Variants in ATAD1 observed in about 807,000 individuals in gnomAD.
ATAD1 encodes outer mitochondrial transmembrane helix translocase.
In ATAD1, 18 loss-of-function variants were observed where a neutral mutation model predicts 42.7. The ratio of observed to expected loss-of-function variants is 0.42; its 90% CI spans 0.29 to 0.63. The LOEUF is 0.63. Ranked by LOEUF, ATAD1 falls within the 20% of genes least tolerant of loss-of-function variation. The pLI is 0.19. For synonymous variants in ATAD1, 132 were observed against 143.1 expected (o/e 0.92, Z 0.55); for missense variants, 294 against 440.4 (o/e 0.67, Z 2.98).
chr10:87,832,648 A>T (rs1174531615), intron 1 of ATAD1, among the ~76,000 whole-genome samples: 1 of 152,058 alleles, frequency 6.6e-6, no homozygotes, highest in Non-Finnish European at 1.5e-5. Flanking sequence ...ATATTTAAAA[A>T]TTTTAAATCA....
intron 1 of ATAD1, among the ~76,000 whole-genome samples, chr10:87,838,111 T>A (rs73354909): frequency 0.017 from 2,650 of 152,312 alleles, 93 homozygotes; most frequent in African/African-American, 0.061. Context: ...ACTCACTGCT[T>A]GTTCAGTAGT....
intron 8 of ATAD1, among the ~76,000 whole-genome samples, chr10:87,764,222 G>A (rs1854629107): frequency 1.3e-5 from 2 of 151,980 alleles, no homozygotes; most frequent in Admixed American, 6.6e-5. Context: ...TGCTATGGGA[G>A]ACCGATGCAC....
intron 1 of ATAD1, among the ~76,000 whole-genome samples, chr10:87,823,771 C>T (rs1857674451): frequency 6.6e-6 from 1 of 152,140 alleles, no homozygotes. Context: ...AAGTAGGTCA[C>T]TTGCCTTCTC....
intron 1 of ATAD1, 71 bp downstream of exon 1, chr10:87,818,096 G>C (rs913448293): frequency 5.1e-6 from 5 of 985,532 alleles, no homozygotes; most frequent in Non-Finnish European, 4.8e-6. Flanking sequence ...CCAGGTCCGA[G>C]ACGGTCCTTA....
At chr10:87,766,873 T>C (rs933140097) in intron 8 of ATAD1, among the ~76,000 whole-genome samples, 1 of 151,916 alleles carries the variant, frequency 6.6e-6, no homozygotes, top group Non-Finnish European at 1.5e-5. Flanking sequence ...TTTCTCCGTG[T>C]ATTATTAAAT....
chr10:87,763,167 A>G (rs1854577164), intron 8 of ATAD1, among the ~76,000 whole-genome samples: 1 of 151,148 alleles, frequency 6.6e-6, no homozygotes, highest in African/African-American at 2.4e-5. Context: ...AAAAACATGG[A>G]GAATTTTAGG....
chr10:87,805,435 C>T lies in ATAD1; in HGVS notation c.162+9003G>A, dbSNP rs2132022114. Among the ~76,000 whole-genome samples the T allele has an allele frequency of 2.0e-5, 3 of 152,298 alleles. No individual in the cohort carries two copies. In the South Asian group the frequency reaches 6.2e-4, roughly 32 times the overall value. On this transcript the variant is annotated intron_variant, in intron 2 of 9. Coordinates refer to ENST00000680024, the MANE Select transcript of ATAD1 (RefSeq NM_001321967.2). ...ATTCACTCTATCTGCCACCAAGTTGCTGAGTAATGCTTGAGAATAGTAACA... is the reference window on the plus strand; with the variant it reads ...ATTCACTCTATCTGCCACCAAGTTGTTGAGTAATGCTTGAGAATAGTAACA...
chr10:87,788,977 C>T (rs1249395646), intron 4 of ATAD1, among the ~76,000 whole-genome samples: 2 of 152,054 alleles, frequency 1.3e-5, no homozygotes, highest in African/African-American at 4.8e-5. Context: ...TACCTAATAG[C>T]TTTGTTGTTT....
intron 2 of ATAD1, among the ~76,000 whole-genome samples, chr10:87,794,488 A>G (rs1036477823): frequency 1.3e-5 from 2 of 152,250 alleles, no homozygotes; most frequent in Non-Finnish European, 2.9e-5. Context: ...CTTTTTAAGC[A>G]ACGCTCGAAG....
chr10:87,833,150 C>T (rs949719349), intron 1 of ATAD1: 2 of 152,138 alleles, frequency 1.3e-5, no homozygotes, highest in African/African-American at 4.8e-5. Context: ...TCTTTGATTG[C>T]TTTCATTAAT....
chr10:87,806,695 A>G (rs1856940941), intron 2 of ATAD1, among the ~76,000 whole-genome samples: 1 of 152,166 alleles, frequency 6.6e-6, no homozygotes, highest in African/African-American at 2.4e-5. Flanking sequence ...GCATGTGCAG[A>G]CCAAAGTATG....
Position 87,818,215 on chromosome 10 carries a change from G to A in ATAD1, c.-62C>T, listed in dbSNP as rs745309391. 1.6e-4 allele frequency: 153 copies of A among 985,442 alleles called. No individual in the cohort carries two copies. Among genetic ancestry groups the A allele is most frequent in the Non-Finnish European group, 1.8e-4 (146 of 830,022 alleles). 61.0% of individuals were successfully genotyped at this position (985,442 alleles called of 1,614,324 possible). On this transcript the variant is annotated 5_prime_UTR_variant, in exon 1 of 10. Transcript: ENST00000680024. ...AAGTGCCCTCAGCCGGCCTCACACA[G>A]GAAGGAAACGCAACCTGGGAGAGAA... is the stretch of plus-strand genomic sequence containing the variant.
At chr10:87,802,834 A>G (rs1351169645) in intron 2 of ATAD1, among the ~76,000 whole-genome samples, 1 of 152,140 alleles carries the variant, frequency 6.6e-6, no homozygotes, top group Non-Finnish European at 1.5e-5. Context: ...CCTGCCTAAT[A>G]TTTTTCAATT....
At chr10:87,761,048 C>T (rs1188166839) in intron 8 of ATAD1, among the ~76,000 whole-genome samples, 1 of 151,512 alleles carries the variant, frequency 6.6e-6, no homozygotes, top group Non-Finnish European at 1.5e-5. Context: ...AAGATGAACT[C>T]AAAGTCTGGA....
At chr10:87,824,263 A>G (rs1257803944) in intron 1 of ATAD1, among the ~76,000 whole-genome samples, 1 of 150,194 alleles carries the variant, frequency 6.7e-6, no homozygotes, top group African/African-American at 2.5e-5. Flanking sequence ...AGTGGTCCAA[A>G]GGTATGACAT....
intron 4 of ATAD1, among the ~76,000 whole-genome samples, chr10:87,787,254 A>C (rs1227455240): frequency 6.6e-6 from 1 of 152,214 alleles, no homozygotes; most frequent in African/African-American, 2.4e-5. Context: ...GAGGCTTAAA[A>C]ATTTAAACTC....
intron 1 of ATAD1, chr10:87,817,719 T>C (rs528694219): frequency 1.0e-6 from 1 of 985,174 alleles, no homozygotes. Context: ...CCATCTTTTG[T>C]GAAAGCGTGC....
At chr10:87,773,421 A>G (rs1189261194) in intron 6 of ATAD1, among the ~76,000 whole-genome samples, 1 of 152,192 alleles carries the variant, frequency 6.6e-6, no homozygotes, top group African/African-American at 2.4e-5. Context: ...TAGCTAGGGT[A>G]CTGGGCTCTC....
chr10:87,828,917 C>T (rs532421395), intron 1 of ATAD1, among the ~76,000 whole-genome samples: 2 of 152,270 alleles, frequency 1.3e-5, no homozygotes, highest in South Asian at 4.1e-4. Context: ...GCATGGTTTT[C>T]TGAATATTTT....
Sources: allele counts gnomAD v4.1 joint callset (sites outside exome capture counted in the v4.1 genomes callset), GRCh38; gene constraint gnomAD v4.1.1; transcripts MANE v1.5; gene names NCBI Gene and HGNC (gene_info 2026-07-23, HGNC 2026-07-21).